Variants in FLRT2 observed in about 807,000 individuals in gnomAD.
The protein encoded by FLRT2 is leucine-rich repeat transmembrane protein FLRT2.
In FLRT2, 15 loss-of-function variants were observed where a neutral mutation model predicts 40.0. The observed-to-expected ratio is 0.38, with a 90% confidence interval of 0.25 to 0.58. FLRT2 has a LOEUF of 0.58. Ranked by LOEUF, FLRT2 falls within the 20% of genes least tolerant of loss-of-function variation. The pLI is 0.71. For missense variants in FLRT2, 726 were observed against 840.0 expected, an observed-to-expected ratio of 0.86 and a Z score of 1.68; for synonymous variants, 380 against 336.8, an observed-to-expected ratio of 1.13 and a Z score of -1.41.
At position 85,635,078 on chromosome 14, in the gene FLRT2, A is replaced by G. The variant is rs1264131678; in HGVS notation, c.*11581A>G. On this transcript the variant is annotated 3_prime_UTR_variant, in exon 2 of 2. Transcript: ENST00000330753. ...CAGTTTCATTGACTTAAGTATAAAG[A>G]CTAACATGTTTCTCATTAGTTATAA... The G allele has an allele frequency of 6.6e-6, 1 of 152,214 alleles. No individual in the cohort carries two copies. Among genetic ancestry groups the G allele is most frequent in the Non-Finnish European group, 1.5e-5 (1 of 68,030 alleles). The allele number at this position is 152,214 out of a possible 1,614,324, so 9.4% of individuals were successfully genotyped here. A position where few individuals can be genotyped will look rare whatever the true frequency, so the allele number is the denominator to read the frequency against.
rs1178681428 is a variant in FLRT2, at chr14:85,622,923, T to G, written c.1409T>G (p.Ile470Arg). Residue 470 changes from isoleucine (I) to arginine (R), a missense_variant, in exon 2 of 2, where the codon ATA (isoleucine) becomes AGA (arginine). By Grantham distance (97) the Ile-to-Arg change is moderately conservative. This residue lies in a region of FLRT2 where 611 missense variants were observed against 690.0 expected (regional missense o/e 0.89). Coordinates refer to ENST00000330753, the MANE Select transcript of FLRT2 (RefSeq NM_013231.6). ...SLVGGIVQER[I>R]VSGEKQHLSL... ...GTAGGGGGCATCGTTCAGGAGCGCA[T>G]AGTCAGCGGTGAGAAGCAACACCTG... The G allele has an allele frequency of 1.2e-6, 2 of 1,614,154 alleles. No homozygotes were observed. The highest frequency in any genetic ancestry group is 3.3e-5 in the Admixed American group (2 of 60,032).
chr14:85,567,932 A>G (rs1054763301), intron 1 of FLRT2, among the ~76,000 whole-genome samples: 2 of 151,752 alleles, frequency 1.3e-5, no homozygotes, highest in Admixed American at 6.6e-5. Context: ...GCCACCGCGC[A>G]AGGCCTGATT....
In FLRT2 at chr14:85,647,004, A is replaced by G. The variant is rs972064579; in HGVS notation, c.*23507A>G. ...AGCTGACCAAAGCTATAGCTTCCCA[A>G]TTACTTGATGAACAGCTATGAATGT... is the stretch of plus-strand genomic sequence containing the variant. On this transcript the variant is annotated 3_prime_UTR_variant, in exon 2 of 2. Transcript: ENST00000330753. The G allele has an allele frequency of 2.6e-5, 4 of 152,144 alleles. No homozygotes were observed. The highest frequency in any genetic ancestry group is 4.8e-5 in the African/African-American group (2 of 41,428). The allele number at this position is 152,144 out of a possible 1,614,324, so 9.4% of individuals were successfully genotyped here.
chr14:85,571,169 T>C (rs2139861355), intron 1 of FLRT2, among the ~76,000 whole-genome samples: 1 of 152,266 alleles, frequency 6.6e-6, no homozygotes, highest in East Asian at 1.9e-4. Flanking sequence ...CCCTGGATGA[T>C]ATCTGTGAAT....
At chr14:85,605,620 A>G (rs1346675911) in intron 1 of FLRT2, among the ~76,000 whole-genome samples, 1 of 152,040 alleles carries the variant, frequency 6.6e-6, no homozygotes, top group Non-Finnish European at 1.5e-5. Flanking sequence ...AATACAAAAA[A>G]TTAGCTGGGC....
intron 1 of FLRT2, among the ~76,000 whole-genome samples, chr14:85,607,508 C>T (rs74068509): frequency 0.014 from 2,068 of 152,256 alleles, 46 homozygotes; most frequent in African/African-American, 0.046. Flanking sequence ...CTTGCAACAG[C>T]TAGGGGTGGG....
Position 85,621,429 on chromosome 14 carries a change from C to A in FLRT2, c.-86C>A. The A allele has an allele frequency of 2.3e-6, 3 of 1,284,642 alleles. No individual in the cohort carries two copies. The highest frequency in any genetic ancestry group is 3.2e-6 in the Non-Finnish European group (3 of 941,936). The allele number at this position is 1,284,642 out of a possible 1,614,324, so 79.6% of individuals were successfully genotyped here. A position where few individuals can be genotyped will look rare whatever the true frequency, so the allele number is the denominator to read the frequency against. On this transcript the variant is annotated 5_prime_UTR_variant, in exon 2 of 2. Coordinates refer to ENST00000330753, the MANE Select transcript of FLRT2 (RefSeq NM_013231.6). ...TGGAGTTCTGGACTTCAACAGAACC[C>A]CATCCAGTCATTTTGATTTTGCTGT...
chr14:85,561,573 T>C (rs2235958), intron 1 of FLRT2, among the ~76,000 whole-genome samples: 33,514 of 152,096 alleles, frequency 0.22, 4,110 homozygotes, highest in East Asian at 0.3. Context: ...TCTAGAACAC[T>C]CACAGCACCC....
Position 85,623,173 on chromosome 14 carries a change from T to C in FLRT2, c.1659T>C (p.Phe553=). ...LAGLIGGAVI[F]VLVVLLSVFC... ...GCTTGATCGGGGGCGCGGTGATATTTGTGCTGGTGGTCTTGCTCAGCGTCT... is the reference window on the plus strand; with the variant it reads ...GCTTGATCGGGGGCGCGGTGATATTCGTGCTGGTGGTCTTGCTCAGCGTCT... The change falls in exon 2 of 2, where the codon TTT becomes TTC. Residue 553 remains phenylalanine (F), a synonymous_variant. Coordinates refer to ENST00000330753, the MANE Select transcript of FLRT2 (RefSeq NM_013231.6). 6.4e-7 allele frequency: 1 copy of C among 1,570,614 alleles called. No homozygotes were observed. Among genetic ancestry groups the C allele is most frequent in the Non-Finnish European group, 8.6e-7 (1 of 1,158,286 alleles).
At chr14:85,608,776 G>A (rs1315196631) in intron 1 of FLRT2, among the ~76,000 whole-genome samples, 4 of 152,144 alleles carry the variant, frequency 2.6e-5, no homozygotes, top group African/African-American at 9.7e-5. Context: ...AGGTCTGCTC[G>A]TCATGTGAAG....
chr14:85,581,749 G>GTATT (rs759420658), intron 1 of FLRT2, among the ~76,000 whole-genome samples: 4 of 152,278 alleles, frequency 2.6e-5, no homozygotes, highest in Non-Finnish European at 4.4e-5. Context: ...GGGAAAATGT[G>GTATT]TATTTATTTA....
chr14:85,557,824 A>AATTAATT lies in FLRT2; in HGVS notation c.-377+27291_-377+27292insTTAATTA, dbSNP rs1555365938. ...AGAGTAAAACTCCATTTCAATAAAT[A>AATTAATT]AATAAATTAATTAATTAATTAATTA... On this transcript the variant is annotated intron_variant, in intron 1 of 1. Coordinates refer to ENST00000330753, the MANE Select transcript of FLRT2 (RefSeq NM_013231.6). 3.5e-4 allele frequency among the ~76,000 whole-genome samples: 53 copies of AATTAATT among 150,358 alleles called. No homozygotes were observed. In the East Asian group the frequency reaches 7.1e-3, roughly 20 times the overall value.
intron 1 of FLRT2, among the ~76,000 whole-genome samples, chr14:85,539,258 C>T (rs1888843611): frequency 6.6e-6 from 1 of 151,916 alleles, no homozygotes; most frequent in South Asian, 2.1e-4. Context: ...TTAAGGGCTA[C>T]TAAGGCTGGG....
intron 1 of FLRT2, among the ~76,000 whole-genome samples, chr14:85,590,663 G>A (rs554185969): frequency 5.3e-5 from 8 of 152,010 alleles, no homozygotes; most frequent in South Asian, 2.1e-4. Context: ...GCAGTGGTGC[G>A]GTCTCGGCTC....
chr14:85,543,026 CAAG>C (rs1889070275), intron 1 of FLRT2, among the ~76,000 whole-genome samples: 1 of 152,168 alleles, frequency 6.6e-6, no homozygotes, highest in Non-Finnish European at 1.5e-5. Context: ...ATTCCTGGGC[CAAG>C]AAGAAGAACC....
At chr14:85,542,756 C>CTAA (rs1378070368) in intron 1 of FLRT2, among the ~76,000 whole-genome samples, 10 of 152,154 alleles carry the variant, frequency 6.6e-5, no homozygotes, top group African/African-American at 2.4e-4. Flanking sequence ...AAACTTGATT[C>CTAA]TAATAATCTC....
In FLRT2 at chr14:85,640,052, G is replaced by C. The variant is rs542352393; in HGVS notation, c.*16555G>C. The C allele has an allele frequency of 6.6e-6, 1 of 152,194 alleles. No homozygotes were observed. The highest frequency in any genetic ancestry group is 1.9e-4 in the East Asian group (1 of 5,138). 9.4% of individuals were successfully genotyped at this position (152,194 alleles called of 1,614,324 possible). On this transcript the variant is annotated 3_prime_UTR_variant, in exon 2 of 2. Coordinates refer to ENST00000330753, the MANE Select transcript of FLRT2 (RefSeq NM_013231.6). ...TTTAGTAGAGACGAGGTTTCACCGTGTTAGCCAGGATGGTCTCGATTTCCT... is the reference window on the plus strand; with the variant it reads ...TTTAGTAGAGACGAGGTTTCACCGTCTTAGCCAGGATGGTCTCGATTTCCT...
At chr14:85,606,024 C>T (rs373884038) in intron 1 of FLRT2, among the ~76,000 whole-genome samples, 1 of 152,158 alleles carries the variant, frequency 6.6e-6, no homozygotes, top group Non-Finnish European at 1.5e-5. Flanking sequence ...CTTTAGCTAG[C>T]ATTCATGATT....
At chr14:85,615,722 A>ATTTATAACCTATAGTTACGACTGTG (rs1367436834) in intron 1 of FLRT2, among the ~76,000 whole-genome samples, 15 of 152,090 alleles carry the variant, frequency 9.9e-5, no homozygotes, top group African/African-American at 1.7e-4. Context: ...TGCAAACAGT[A>ATTTATAACCTATAGTTACGACTGTG]GAGAATTCCT....
Sources: gnomAD v4.1 joint callset for allele counts (sites outside exome capture counted in the v4.1 genomes callset) on GRCh38, gnomAD v4.1.1 for gene constraint, gnomAD v4.1.1 regional missense constraint, MANE v1.5 for transcripts, NCBI Gene and HGNC (gene_info 2026-07-23, HGNC 2026-07-21) for gene names.